Variants in ARID2 observed in about 807,000 individuals in gnomAD.
ARID2 encodes the protein AT-rich interaction domain 2.
A neutral mutation model predicts 184.6 loss-of-function variants in ARID2; 32 were observed. That is an observed-to-expected ratio of 0.17 (90% CI 0.13 to 0.23). The LOEUF (loss-of-function observed/expected upper bound fraction) is 0.23, where lower values mean the gene tolerates loss of function less well. ARID2 is among the 10% of genes least tolerant of loss of function. ARID2 has a pLI of 1.00. For synonymous variants in ARID2, 836 were observed against 772.6 expected, an observed-to-expected ratio of 1.08 and a Z score of -1.36; for missense variants, 1,696 against 2,197.6, an observed-to-expected ratio of 0.77 and a Z score of 4.56.
At position 45,730,076 on chromosome 12, in the gene ARID2, G is replaced by A. The variant is rs2137959735; in HGVS notation, c.125G>A (p.Gly42Glu). ...SPFKKIPAVGGKELDLHGLYT... is the reference protein window; with the variant it reads ...SPFKKIPAVGEKELDLHGLYT... Reference sequence around the variant, plus strand: ...TTTAAAAAAATCCCTGCGGTGGGTGGGAAGGAGCTGGATCTTCACGGTCTC... The same window carrying A: ...TTTAAAAAAATCCCTGCGGTGGGTGAGAAGGAGCTGGATCTTCACGGTCTC... Residue 42 changes from glycine to glutamate, a missense_variant, in exon 2 of 21, where the codon GGG becomes GAG. By Grantham distance (98) the Gly-to-Glu change is moderately conservative. Around this residue, in one of 11 missense-constraint regions of ARID2, gnomAD observed 54 missense variants for 59.9 expected, o/e 0.90. Transcript: ENST00000334344. 1 of 1,613,486 alleles carries A rather than the reference G, an allele frequency of 6.2e-7. No individual in the cohort carries two copies. The highest frequency in any genetic ancestry group is 8.5e-7 in the Non-Finnish European group (1 of 1,179,728).
At chr12:45,902,654 C>T (rs772714709) in intron 20 of ARID2, among the ~76,000 whole-genome samples, 5 of 151,798 alleles carry the variant, frequency 3.3e-5, no homozygotes, top group Non-Finnish European at 7.4e-5. Flanking sequence ...GCCTCAGCCT[C>T]CTGAGTAGCT....
intron 3 of ARID2, among the ~76,000 whole-genome samples, chr12:45,750,105 G>A (rs755297205): frequency 1.6e-4 from 24 of 152,114 alleles, no homozygotes; most frequent in Non-Finnish European, 3.1e-4. Flanking sequence ...CTCATTAAGC[G>A]TAATCATTTC....
chr12:45,797,974 C>T (rs1170321019), intron 3 of ARID2, among the ~76,000 whole-genome samples: 1 of 151,974 alleles, frequency 6.6e-6, no homozygotes, highest in Non-Finnish European at 1.5e-5. Context: ...TACTATGAGG[C>T]TAACTGCTAT....
chr12:45,833,267 A>T (rs1943155812), intron 6 of ARID2, among the ~76,000 whole-genome samples: 1 of 152,306 alleles, frequency 6.6e-6, no homozygotes, highest in East Asian at 1.9e-4. Flanking sequence ...TTATTGGGAC[A>T]TAACCCCATC....
At chr12:45,853,102 T>C (rs1446554714) in intron 15 of ARID2, among the ~76,000 whole-genome samples, 1 of 152,252 alleles carries the variant, frequency 6.6e-6, no homozygotes, top group African/African-American at 2.4e-5. Context: ...TTCAATTTTG[T>C]TATAGATCCA....
chr12:45,904,219 T>A, intron 20 of ARID2: 1 of 581,190 alleles, frequency 1.7e-6, no homozygotes, highest in Non-Finnish European at 3.1e-6. Flanking sequence ...TTGGTTTCAC[T>A]TAATGAAGAC....
chr12:45,895,861 A>G (rs1048955547), intron 20 of ARID2, among the ~76,000 whole-genome samples: 3 of 152,204 alleles, frequency 2.0e-5, no homozygotes, highest in African/African-American at 7.2e-5. Flanking sequence ...AGCATCAAAA[A>G]GAGTAAAATA....
intron 15 of ARID2, among the ~76,000 whole-genome samples, chr12:45,858,527 T>G (rs967832752): frequency 6.6e-6 from 1 of 152,236 alleles, no homozygotes; most frequent in Admixed American, 6.5e-5. Context: ...TAGACATTTT[T>G]AGTTCGTTCA....
At chr12:45,869,902 A>AC (rs1185847382) in intron 16 of ARID2, among the ~76,000 whole-genome samples, 3 of 150,960 alleles carry the variant, frequency 2.0e-5, no homozygotes, top group African/African-American at 7.3e-5. Context: ...ACAAAACAAA[A>AC]ACAAACAAAC....
At position 45,825,367 on chromosome 12, in the gene ARID2, G is replaced by A. The variant is rs543350452; in HGVS notation, c.705+3880G>A. The stretch of plus-strand genomic sequence containing the variant: ...CACAGGTACCCCATAAGTACATACA[G>A]TTGTTATATGTCCATAAAATTTGTT... On this transcript the variant is annotated intron_variant, in intron 6 of 20. Transcript: ENST00000334344. 1.1e-4 allele frequency among the ~76,000 whole-genome samples: 17 copies of A among 152,174 alleles called. No homozygotes were observed. The South Asian group carries it at 3.5e-3, about 32-fold the overall frequency.
intron 6 of ARID2, among the ~76,000 whole-genome samples, chr12:45,831,687 C>T (rs1364133729): frequency 2.0e-5 from 3 of 152,186 alleles, no homozygotes; most frequent in Non-Finnish European, 4.4e-5. Flanking sequence ...CATCATTCTA[C>T]TCTCCATCTC....
At chr12:45,783,808 T>G (rs185893669) in intron 3 of ARID2, among the ~76,000 whole-genome samples, 9 of 152,270 alleles carry the variant, frequency 5.9e-5, no homozygotes, top group South Asian at 2.1e-4. Context: ...AATAAACTTA[T>G]TTTCATTATA....
intron 11 of ARID2, 114 bp downstream of exon 11, chr12:45,839,610 C>T: frequency 8.1e-7 from 1 of 1,235,538 alleles, no homozygotes; most frequent in Non-Finnish European, 1.1e-6. Flanking sequence ...TATAGTAGGC[C>T]AAAGTGGAAT....
At chr12:45,845,901 GA>G (rs1943431501) in intron 11 of ARID2, 1 of 151,918 alleles carries the variant, frequency 6.6e-6, no homozygotes, top group South Asian at 2.1e-4. Flanking sequence ...GATCAATAGT[GA>G]AAAAAGGATA....
chr12:45,869,231 G>A (rs948611817), intron 16 of ARID2, among the ~76,000 whole-genome samples: 1 of 152,058 alleles, frequency 6.6e-6, no homozygotes, highest in African/African-American at 2.4e-5. Context: ...TGGCCAGGCT[G>A]GTCTCGAACT....
At chr12:45,746,620 A>G (rs1038542332) in intron 3 of ARID2, among the ~76,000 whole-genome samples, 1 of 152,186 alleles carries the variant, frequency 6.6e-6, no homozygotes, top group African/African-American at 2.4e-5. Context: ...TTAATTTGCC[A>G]TGTGCCGGGC....
chr12:45,838,863 G>GT (rs1328796764), intron 10 of ARID2, among the ~76,000 whole-genome samples: 8 of 141,688 alleles, frequency 5.6e-5, no homozygotes, highest in South Asian at 4.4e-4. Flanking sequence ...GCCTAAAAAT[G>GT]TTTTGTTTTT....
At chr12:45,729,952 G>C in intron 1 of ARID2, 24 bp downstream of exon 1, 1 of 1,603,716 alleles carries the variant, frequency 6.2e-7, no homozygotes, top group Non-Finnish European at 8.5e-7. Context: ...CGGGGGGGCA[G>C]CGCCGGGGCG....
intron 3 of ARID2, among the ~76,000 whole-genome samples, chr12:45,804,385 A>C (rs140296789): frequency 2.6e-5 from 4 of 152,000 alleles, no homozygotes; most frequent in Non-Finnish European, 4.4e-5. Context: ...GAAATTTTCA[A>C]TATTGAACTA....
Sources: allele counts gnomAD v4.1 joint callset (sites outside exome capture counted in the v4.1 genomes callset), GRCh38; gene constraint gnomAD v4.1.1; regional missense constraint gnomAD v4.1.1; transcripts MANE v1.5; gene names NCBI Gene and HGNC (gene_info 2026-07-23, HGNC 2026-07-21).